GRM7: variants seen among roughly 807,000 people sequenced by gnomAD.
GRM7 encodes the protein metabotropic glutamate receptor 7.
A neutral mutation model predicts 84.5 loss-of-function variants in GRM7; 35 were observed. The observed-to-expected ratio is 0.41, with a 90% CI of 0.32 to 0.55. GRM7 has a LOEUF of 0.55. Ranked by LOEUF, GRM7 falls within the 20% of genes least tolerant of loss-of-function variation. The probability of loss-of-function intolerance (pLI) is 0.19; values close to 1 mark genes in which losing one functional copy is unlikely to be tolerated. For synonymous variants in GRM7, 487 were observed against 455.1 expected (o/e 1.07, Z -0.89); for missense variants, 1,003 against 1,194.6 (o/e 0.84, Z 2.36).
At chr3:7,165,152 G>A (rs1008342609) in intron 2 of GRM7, among the ~76,000 whole-genome samples, 1 of 152,168 alleles carries the variant, frequency 6.6e-6, no homozygotes, top group South Asian at 2.1e-4. Context: ...AAGTTTGTCT[G>A]TTTTCACTCT....
chr3:7,401,214 T>C (rs1551065), intron 4 of GRM7, among the ~76,000 whole-genome samples: 97,892 of 151,954 alleles, frequency 0.64, 31,943 homozygotes, highest in African/African-American at 0.71. Context: ...TAAAATGAGA[T>C]TGCATTTTCT....
intron 3 of GRM7, among the ~76,000 whole-genome samples, chr3:7,302,799 C>T (rs1481920630): frequency 1.3e-5 from 2 of 151,470 alleles, no homozygotes; most frequent in East Asian, 3.9e-4. Flanking sequence ...TTTTTTTAAA[C>T]CAGTTTCCCA....
At chr3:7,360,946 C>T (rs1693634566) in intron 4 of GRM7, among the ~76,000 whole-genome samples, 1 of 152,028 alleles carries the variant, frequency 6.6e-6, no homozygotes, top group African/African-American at 2.4e-5. Flanking sequence ...ACAGTCCCAT[C>T]TTGGACATGC....
At chr3:6,917,219 T>C (rs900883814) in intron 1 of GRM7, among the ~76,000 whole-genome samples, 1 of 150,110 alleles carries the variant, frequency 6.7e-6, no homozygotes, top group African/African-American at 2.5e-5. Flanking sequence ...TCTATATAAA[T>C]ATTATATATT....
rs573487339 is a variant in GRM7 at position 7,699,525 on chromosome 3, C to T, written c.2698+19230C>T. ...TTTTTAAATTTGAAAATGTATGGTT[C>T]GAATGGATCTAATTTGAACTGCACC... On this transcript the variant is annotated intron_variant, in intron 9 of 9. Coordinates refer to ENST00000357716, the MANE Select transcript of GRM7 (RefSeq NM_000844.4). Among the ~76,000 whole-genome samples, 42 of 152,246 alleles carry T rather than the reference C, an allele frequency of 2.8e-4. 1 individual carries two copies. The highest frequency in any genetic ancestry group is 3.4e-3 in the Middle Eastern group (1 of 294).
intron 9 of GRM7, among the ~76,000 whole-genome samples, chr3:7,710,755 T>C (rs1186337079): frequency 6.6e-6 from 1 of 152,144 alleles, no homozygotes; most frequent in Non-Finnish European, 1.5e-5. Context: ...CAGCACAGGG[T>C]ATAAAACTCT....
chr3:7,572,821 C>CAAAAAAA lies in GRM7; in HGVS notation c.1516-5598_1516-5597insAAAAAAA, dbSNP rs1437470999. Among the ~76,000 whole-genome samples, 9 of 20,966 alleles carry CAAAAAAA rather than the reference C, an allele frequency of 4.3e-4. 1 individual carries two copies. Among genetic ancestry groups the CAAAAAAA allele is most frequent in the South Asian group, 1.7e-3 (1 of 592 alleles). The allele number at this position is 20,966 out of a possible 152,430, so 13.8% of individuals were successfully genotyped here. On this transcript the variant is annotated intron_variant, in intron 7 of 9. Coordinates refer to ENST00000357716, the MANE Select transcript of GRM7 (RefSeq NM_000844.4). ...TGGGCGACAGAGTGAGACTCTATCT[C>CAAAAAAA]AAATATATATATATATATATATATA...
intron 7 of GRM7, among the ~76,000 whole-genome samples, chr3:7,463,159 A>C (rs1698319207): frequency 6.6e-6 from 1 of 152,150 alleles, no homozygotes; most frequent in Admixed American, 6.5e-5. Flanking sequence ...TGAAGTGCTC[A>C]GGGCTTATTG....
chr3:7,393,724 T>G (rs569365863), intron 4 of GRM7, among the ~76,000 whole-genome samples: 17 of 152,202 alleles, frequency 1.1e-4, no homozygotes, highest in Admixed American at 1.1e-3. Context: ...TCCAATAAAT[T>G]TCATCTCATT....
intron 1 of GRM7, among the ~76,000 whole-genome samples, chr3:7,139,108 A>T (rs1693863537): frequency 6.8e-6 from 1 of 147,662 alleles, no homozygotes; most frequent in Non-Finnish European, 1.5e-5. Context: ...CTATAATATA[A>T]TATACTATAT....
chr3:7,173,060 C>G (rs1695036574), intron 2 of GRM7, among the ~76,000 whole-genome samples: 2 of 152,076 alleles, frequency 1.3e-5, no homozygotes, highest in Admixed American at 1.3e-4. Flanking sequence ...ATTAATTTCT[C>G]CATCATCCAG....
At chr3:6,978,706 A>T (rs1415433663) in intron 1 of GRM7, among the ~76,000 whole-genome samples, 1 of 152,172 alleles carries the variant, frequency 6.6e-6, no homozygotes, top group African/African-American at 2.4e-5. Context: ...AAAGGAGAAC[A>T]TAGTGGCATA....
chr3:6,970,246 T>C (rs920276421), intron 1 of GRM7, among the ~76,000 whole-genome samples: 1 of 152,184 alleles, frequency 6.6e-6, no homozygotes. Context: ...TTGCAGCTAA[T>C]GTTTAAGTGT....
chr3:7,303,601 TA>T (rs1284278273), intron 3 of GRM7, among the ~76,000 whole-genome samples: 6 of 152,124 alleles, frequency 3.9e-5, no homozygotes, highest in African/African-American at 1.2e-4. Flanking sequence ...CTATGGTAGT[TA>T]TTTTTTTGGA....
At chr3:7,287,750 T>TA (rs914908075) in intron 2 of GRM7, among the ~76,000 whole-genome samples, 19 of 151,618 alleles carry the variant, frequency 1.3e-4, no homozygotes, top group South Asian at 6.2e-4. Context: ...ATCTCAAATT[T>TA]AAAAAAAAAT....
chr3:7,726,487 C>A (rs2106523136), intron 9 of GRM7, among the ~76,000 whole-genome samples: 1 of 150,736 alleles, frequency 6.6e-6, no homozygotes, highest in South Asian at 2.1e-4. Flanking sequence ...CTTTATAAAT[C>A]ATTTCTCCCT....
chr3:7,002,422 A>G (rs191022700), intron 1 of GRM7, among the ~76,000 whole-genome samples: 10 of 152,328 alleles, frequency 6.6e-5, no homozygotes, highest in African/African-American at 2.4e-4. Flanking sequence ...ATCATTTTCA[A>G]AAATGCTTAT....
intron 7 of GRM7, among the ~76,000 whole-genome samples, chr3:7,514,679 GT>G (rs1700315901): frequency 6.6e-6 from 1 of 152,172 alleles, no homozygotes; most frequent in Non-Finnish European, 1.5e-5. Context: ...GACCTGCCTT[GT>G]AAAAACTATG....
intron 1 of GRM7, among the ~76,000 whole-genome samples, chr3:7,031,624 A>G (rs1319617683): frequency 2.6e-5 from 4 of 152,090 alleles, no homozygotes; most frequent in Non-Finnish European, 2.9e-5. Flanking sequence ...TCACCATGTT[A>G]GCCAGGGCCA....
Sources: allele counts gnomAD v4.1 joint callset (sites outside exome capture counted in the v4.1 genomes callset), GRCh38; gene constraint gnomAD v4.1.1; transcripts MANE v1.5; gene names NCBI Gene and HGNC (gene_info 2026-07-23, HGNC 2026-07-21).